DISC1: variants seen among roughly 807,000 people sequenced by gnomAD.
The protein encoded by DISC1 is disrupted in schizophrenia 1 protein.
In DISC1, 57 loss-of-function variants were observed where a neutral mutation model predicts 84.5. The observed-to-expected ratio is 0.67, with a 90% confidence interval of 0.55 to 0.84. The LOEUF is 0.84. Among genes scored for constraint, DISC1 ranks in the 40% least tolerant of loss-of-function variants. The pLI is 0.00. For synonymous variants in DISC1, 411 were observed against 415.2 expected (o/e 0.99, Z 0.12); for missense variants, 1,000 against 1,057.8 (o/e 0.95, Z 0.76).
At chr1:231,771,493 T>C in intron 6 of DISC1, 1 of 985,438 alleles carries the variant, frequency 1.0e-6, no homozygotes, top group South Asian at 4.7e-5. Context: ...AATGGCAAAG[T>C]TCCCATCTGG....
chr1:232,037,417 G>A lies in DISC1; in HGVS notation c.*586G>A, dbSNP rs1670589633. 2.0e-5 allele frequency: 3 copies of A among 152,282 alleles called. No individual in the cohort carries two copies. Among genetic ancestry groups the A allele is most frequent in the African/African-American group, 7.2e-5 (3 of 41,552 alleles). The allele number at this position is 152,282 out of a possible 1,614,324, so 9.4% of individuals were successfully genotyped here. ...CAATTTCCAAAAGATATTTTGGTAA[G>A]ACAACAACCTCCCAGTGATATGCCA... is the stretch of plus-strand genomic sequence containing the variant. On this transcript the variant is annotated 3_prime_UTR_variant, in exon 13 of 13. Coordinates refer to ENST00000439617, the MANE Select transcript of DISC1 (RefSeq NM_018662.3).
At chr1:231,930,307 T>C (rs1318242918) in intron 9 of DISC1, among the ~76,000 whole-genome samples, 2 of 152,066 alleles carry the variant, frequency 1.3e-5, no homozygotes, top group African/African-American at 2.4e-5. Flanking sequence ...CCCGATGCAG[T>C]GGGAGGGTCG....
At chr1:231,946,811 AACAG>A (rs1401662101) in intron 9 of DISC1, among the ~76,000 whole-genome samples, 1 of 152,184 alleles carries the variant, frequency 6.6e-6, no homozygotes, top group Non-Finnish European at 1.5e-5. Context: ...ATACACCAAT[AACAG>A]ACAAACAGAG....
chr1:231,837,648 T>A (rs984838008), intron 9 of DISC1, among the ~76,000 whole-genome samples: 1 of 152,230 alleles, frequency 6.6e-6, no homozygotes, highest in Non-Finnish European at 1.5e-5. Flanking sequence ...AAACTGTTAT[T>A]GTATTTAACT....
At chr1:231,699,726 A>G (rs1008708595) in intron 2 of DISC1, among the ~76,000 whole-genome samples, 1 of 152,182 alleles carries the variant, frequency 6.6e-6, no homozygotes, top group African/African-American at 2.4e-5. Context: ...AAGTCAGATC[A>G]TGTGCTCCTC....
At chr1:231,965,608 G>T (rs1660990896) in intron 10 of DISC1, among the ~76,000 whole-genome samples, 1 of 152,220 alleles carries the variant, frequency 6.6e-6, no homozygotes, top group Non-Finnish European at 1.5e-5. Context: ...CACAGTCCTT[G>T]TTATGTCCTC....
chr1:231,903,554 A>C (rs937973322), intron 9 of DISC1, among the ~76,000 whole-genome samples: 1 of 152,230 alleles, frequency 6.6e-6, no homozygotes, highest in African/African-American at 2.4e-5. Flanking sequence ...GGGAGGCTCT[A>C]TTCTAGGCTG....
chr1:232,004,209 G>A (rs1667055489), intron 10 of DISC1, among the ~76,000 whole-genome samples: 1 of 151,640 alleles, frequency 6.6e-6, no homozygotes, highest in African/African-American at 2.4e-5. Flanking sequence ...CAAAGAAATG[G>A]GGAAAATGGA....
chr1:232,024,898 T>A (rs969535139), intron 11 of DISC1, among the ~76,000 whole-genome samples: 3 of 152,128 alleles, frequency 2.0e-5, no homozygotes, highest in Non-Finnish European at 4.4e-5. Context: ...TCTGCAAAAA[T>A]TTTTTAGTGT....
At chr1:231,943,523 G>A (rs1177399898) in intron 9 of DISC1, among the ~76,000 whole-genome samples, 1 of 152,196 alleles carries the variant, frequency 6.6e-6, no homozygotes, top group Non-Finnish European at 1.5e-5. Context: ...TACAGGAGGT[G>A]GTTGGGGGTG....
chr1:232,012,061 C>T (rs919347532), intron 11 of DISC1, among the ~76,000 whole-genome samples: 4 of 152,302 alleles, frequency 2.6e-5, no homozygotes, highest in South Asian at 2.1e-4. Flanking sequence ...GAGACGCATA[C>T]CTAGTAGAGG....
chr1:231,888,335 G>T (rs4658890), intron 9 of DISC1, among the ~76,000 whole-genome samples: 71,274 of 151,894 alleles, frequency 0.47, 16,923 homozygotes, highest in Admixed American at 0.5. Flanking sequence ...TACCATGGAT[G>T]CAGGAGTGGT....
intron 1 of DISC1, among the ~76,000 whole-genome samples, chr1:231,677,549 C>T (rs2063275832): frequency 6.6e-6 from 1 of 152,238 alleles, no homozygotes; most frequent in Non-Finnish European, 1.5e-5. Context: ...ACAAACATTT[C>T]ATGATTTTAT....
At chr1:231,988,890 G>C (rs1664819027) in intron 10 of DISC1, among the ~76,000 whole-genome samples, 3 of 152,174 alleles carry the variant, frequency 2.0e-5, no homozygotes, top group African/African-American at 7.2e-5. Context: ...ATGCCTGAGG[G>C]AGCCCCCAAG....
intron 5 of DISC1, among the ~76,000 whole-genome samples, chr1:231,769,769 T>C (rs1379347280): frequency 5.3e-5 from 8 of 152,176 alleles, no homozygotes; most frequent in Non-Finnish European, 1.2e-4. Context: ...GTGAATTTTA[T>C]GCTATGTGTG....
At chr1:231,815,847 T>C (rs2080907494) in intron 8 of DISC1, among the ~76,000 whole-genome samples, 1 of 152,218 alleles carries the variant, frequency 6.6e-6, no homozygotes, top group African/African-American at 2.4e-5. Context: ...GCTATAGTAT[T>C]ATTTTTGCAT....
intron 1 of DISC1, among the ~76,000 whole-genome samples, chr1:231,655,360 A>C (rs1450264325): frequency 6.6e-6 from 1 of 151,844 alleles, no homozygotes; most frequent in African/African-American, 2.4e-5. Context: ...TTGGTTTTCC[A>C]CTCCTGAGTT....
chr1:231,845,166 G>C (rs2083367315), intron 9 of DISC1, among the ~76,000 whole-genome samples: 1 of 152,150 alleles, frequency 6.6e-6, no homozygotes, highest in Non-Finnish European at 1.5e-5. Flanking sequence ...CATAGCCTGA[G>C]CCAGTCTTTC....
At chr1:231,750,189 C>A in intron 4 of DISC1, 113 bp downstream of exon 4, 1 of 1,475,262 alleles carries the variant, frequency 6.8e-7, no homozygotes, top group East Asian at 2.4e-5. Context: ...GCTGCCTTTC[C>A]TGGGAAGGGC....
Sources: gnomAD v4.1 joint callset for allele counts (sites outside exome capture counted in the v4.1 genomes callset) on GRCh38, gnomAD v4.1.1 for gene constraint, MANE v1.5 for transcripts, NCBI Gene and HGNC (gene_info 2026-07-23, HGNC 2026-07-21) for gene names.